LY96: variants seen among roughly 807,000 people sequenced by gnomAD.
The protein encoded by LY96 is lymphocyte antigen 96, also known as myeloid differentiation protein-2.
LY96 carries 18 observed loss-of-function variants against 18.9 expected under a neutral mutation model. The ratio of observed to expected loss-of-function variants is 0.95; its 90% confidence interval spans 0.66 to 1.41. The LOEUF is 1.41. Among genes scored for constraint, LY96 ranks in the 40% most tolerant of loss-of-function variants. The pLI is 0.00. For synonymous variants in LY96, 66 were observed against 62.6 expected, an observed-to-expected ratio of 1.06 and a Z score of -0.26; for missense variants, 175 against 182.4, an observed-to-expected ratio of 0.96 and a Z score of 0.23.
the LY96 span, among the ~76,000 whole-genome samples, chr8:74,078,276 A>G: frequency 6.6e-6 from 1 of 152,152 alleles, no homozygotes; most frequent in Non-Finnish European, 1.5e-5. Context: ...GATAGCTTTC[A>G]GTGGAGTGTG....
the LY96 span, among the ~76,000 whole-genome samples, chr8:74,083,855 C>G: frequency 6.6e-6 from 1 of 151,628 alleles, no homozygotes; most frequent in Non-Finnish European, 1.5e-5. Context: ...CCATGCCTGG[C>G]TAATTTTTTT....
At chr8:74,075,550 C>T in the LY96 span, among the ~76,000 whole-genome samples, 2 of 152,214 alleles carry the variant, frequency 1.3e-5, no homozygotes, top group African/African-American at 4.8e-5. Flanking sequence ...GGATTATAGG[C>T]ATGAACCACT....
intron 3 of LY96, among the ~76,000 whole-genome samples, chr8:74,021,397 C>T (rs531953420): frequency 1.4e-4 from 21 of 152,228 alleles, no homozygotes; most frequent in Non-Finnish European, 2.5e-4. Context: ...GTTAGAAAGG[C>T]GATTGTTAAA....
chr8:74,038,820 A>G, the LY96 span, among the ~76,000 whole-genome samples: 5 of 152,240 alleles, frequency 3.3e-5, no homozygotes, highest in Non-Finnish European at 4.4e-5. Flanking sequence ...TGCTGCAATA[A>G]ACATGGGCAT....
At chr8:74,088,149 A>AGAATG in the LY96 span, among the ~76,000 whole-genome samples, 1 of 149,960 alleles carries the variant, frequency 6.7e-6, no homozygotes, top group Non-Finnish European at 1.5e-5. Flanking sequence ...AGAATAGAAT[A>AGAATG]GAAAAGAATA....
chr8:74,096,031 A>G, the LY96 span, among the ~76,000 whole-genome samples: 3 of 152,302 alleles, frequency 2.0e-5, no homozygotes, highest in African/African-American at 7.2e-5. Flanking sequence ...GCCCGAGCCA[A>G]TTGCCTTGGA....
intron 2 of LY96, among the ~76,000 whole-genome samples, chr8:74,008,462 G>A (rs934553933): frequency 1.1e-4 from 16 of 152,172 alleles, no homozygotes. Flanking sequence ...TGAAACAGAC[G>A]CCATGATATT....
chr8:74,026,911 A>T (rs1383364582), intron 4 of LY96, 70 bp downstream of exon 4: 2 of 796,288 alleles, frequency 2.5e-6, no homozygotes, highest in Non-Finnish European at 4.3e-6. Context: ...ATTTGAAACA[A>T]GCAATTCACA....
At chr8:74,017,049 A>G (rs938485495) in intron 3 of LY96, among the ~76,000 whole-genome samples, 4 of 152,246 alleles carry the variant, frequency 2.6e-5, no homozygotes, top group African/African-American at 9.6e-5. Context: ...ATGGAGAATG[A>G]CTTTGATGAG....
chr8:74,078,443 CT>C, the LY96 span, among the ~76,000 whole-genome samples: 1 of 152,210 alleles, frequency 6.6e-6, no homozygotes. Flanking sequence ...TGTCTAAATT[CT>C]CACAATCACC....
chr8:74,047,801 T>G, the LY96 span, among the ~76,000 whole-genome samples: 1 of 152,226 alleles, frequency 6.6e-6, no homozygotes, highest in African/African-American at 2.4e-5. Flanking sequence ...TAATCCCAAC[T>G]AGAGCAAAGT....
chr8:74,080,011 A>G, the LY96 span, among the ~76,000 whole-genome samples: 9 of 152,364 alleles, frequency 5.9e-5, no homozygotes, highest in East Asian at 1.5e-3. Context: ...AGGGAGGGCC[A>G]GTTTCTTCCT....
Position 74,010,056 on chromosome 8 carries a change from T to A in LY96, c.258T>A (p.Asn86Lys), listed in dbSNP as rs755713901. The change falls in exon 3 of 5, where the codon AAT becomes AAA. Residue 86 changes from asparagine to lysine, a missense_variant. Transcript: ENST00000284818. ...TCTATATAACTGTCAACACCATGAA[T>A]CTTCCAAAGCGCAAAGAAGTTATTT... Reference protein sequence around the residue: ...FNLYITVNTMNLPKRKEVICR... With the variant: ...FNLYITVNTMKLPKRKEVICR... 3 of 1,611,392 alleles carry A rather than the reference T, an allele frequency of 1.9e-6. No homozygotes were observed. The highest frequency in any genetic ancestry group is 2.5e-6 in the Non-Finnish European group (3 of 1,177,674).
chr8:74,039,884 G>C, the LY96 span, among the ~76,000 whole-genome samples: 6 of 152,140 alleles, frequency 3.9e-5, no homozygotes, highest in African/African-American at 1.4e-4. Context: ...GGATGACTGC[G>C]GGCAGGCCTG....
downstream of LY96, among the ~76,000 whole-genome samples, chr8:74,034,044 T>C (rs1207720022): frequency 6.6e-6 from 1 of 152,230 alleles, no homozygotes; most frequent in Non-Finnish European, 1.5e-5. Flanking sequence ...ATAGTAAGCC[T>C]AAAACTTATT....
At chr8:74,096,141 C>T in the LY96 span, among the ~76,000 whole-genome samples, 1 of 152,234 alleles carries the variant, frequency 6.6e-6, no homozygotes, top group Non-Finnish European at 1.5e-5. Flanking sequence ...ATCTCCACTG[C>T]AACCACTTTG....
chr8:74,016,144 G>A (rs1156991769), intron 3 of LY96, among the ~76,000 whole-genome samples: 2 of 152,190 alleles, frequency 1.3e-5, no homozygotes, highest in African/African-American at 2.4e-5. Flanking sequence ...CAGGAAAATT[G>A]GGACACTCCC....
chr8:74,048,263 A>AT, the LY96 span, among the ~76,000 whole-genome samples: 30,514 of 142,258 alleles, frequency 0.21, 3,590 homozygotes, highest in African/African-American at 0.34. Context: ...GTTTAGTTCT[A>AT]TTTTTTTTTT....
In LY96 at chr8:74,010,131, T is replaced by C; in HGVS notation, c.331+2T>C. 6.2e-7 allele frequency: 1 copy of C among 1,611,646 alleles called. No individual in the cohort carries two copies. The highest frequency in any genetic ancestry group is 1.3e-5 in the African/African-American group (1 of 74,986). On this transcript the variant is annotated splice_donor_variant, in intron 3 of 4. Coordinates refer to ENST00000284818, the MANE Select transcript of LY96 (RefSeq NM_015364.5). LOFTEE classifies it high-confidence loss of function. Reference sequence around the variant, plus strand: ...CTTTTTGCAGAGCTCTGAAGGGAGGTAAGTATTCAGTTCATATTACTTTTA... The same window carrying C: ...CTTTTTGCAGAGCTCTGAAGGGAGGCAAGTATTCAGTTCATATTACTTTTA...
Sources: gnomAD v4.1 joint callset for allele counts (sites outside exome capture counted in the v4.1 genomes callset) on GRCh38, gnomAD v4.1.1 for gene constraint, MANE v1.5 for transcripts, NCBI Gene and HGNC (gene_info 2026-07-23, HGNC 2026-07-21) for gene names.